CALN1: variants seen among roughly 807,000 people sequenced by gnomAD.
CALN1 encodes calneuron 1.
A neutral mutation model predicts 30.6 loss-of-function variants in CALN1; 17 were observed. That is an observed-to-expected ratio of 0.56 (90% CI 0.38 to 0.83). CALN1 has a LOEUF of 0.83. Ranked by LOEUF, CALN1 falls within the 40% of genes least tolerant of loss-of-function variation. The pLI, the probability that CALN1 is intolerant of heterozygous loss-of-function variation, is 0.00. For missense variants in CALN1, 291 were observed against 354.9 expected, an observed-to-expected ratio of 0.82 and a Z score of 1.45; for synonymous variants, 156 against 131.4, an observed-to-expected ratio of 1.19 and a Z score of -1.28.
intron 5 of CALN1, among the ~76,000 whole-genome samples, chr7:72,011,514 A>G (rs150823447): frequency 6.6e-6 from 1 of 152,116 alleles, no homozygotes; most frequent in Admixed American, 6.5e-5. Context: ...GCCTTTGATC[A>G]CTTCTGGTTT....
At position 71,845,908 on chromosome 7, in the gene CALN1, G is replaced by T. The variant is rs76718193; in HGVS notation, c.502-35416C>A. On this transcript the variant is annotated intron_variant, in intron 5 of 6. Coordinates refer to ENST00000395275, the MANE Select transcript of CALN1 (RefSeq NM_031468.4). ...GTCTTTACTAAAAATACAAAAATTA[G>T]CTGGGCATGGGGTGCACACCTGTAA... Among the ~76,000 whole-genome samples the T allele has an allele frequency of 1.5e-3, 230 of 152,180 alleles. 1 individual carries two copies. Among genetic ancestry groups the T allele is most frequent in the African/African-American group, 5.2e-3 (218 of 41,530 alleles).
chr7:72,464,115 AAGG>A, the CALN1 span, among the ~76,000 whole-genome samples: 3 of 151,858 alleles, frequency 2.0e-5, no homozygotes, highest in Admixed American at 6.6e-5. Flanking sequence ...AGAAGAAAGA[AAGG>A]AGGGAGGGAG....
intron 5 of CALN1, among the ~76,000 whole-genome samples, chr7:71,937,954 T>C (rs957684849): frequency 3.3e-5 from 5 of 150,836 alleles, no homozygotes; most frequent in Non-Finnish European, 7.4e-5. Context: ...TCTGTCACTA[T>C]TTATTCAACA....
intron 3 of CALN1, among the ~76,000 whole-genome samples, chr7:72,133,783 T>C (rs1029333582): frequency 3.3e-5 from 5 of 152,174 alleles, no homozygotes; most frequent in African/African-American, 1.2e-4. Flanking sequence ...GATACATCAT[T>C]ATTACTTCTG....
intron 3 of CALN1, among the ~76,000 whole-genome samples, chr7:72,178,559 C>T (rs927014823): frequency 2.0e-5 from 3 of 151,932 alleles, no homozygotes; most frequent in Admixed American, 6.6e-5. Context: ...CGTGGTGGCA[C>T]GCACCTGTAA....
rs374563326 is a variant in CALN1 at position 71,785,277 on chromosome 7, C to T, written c.*2498G>A. ...TCACTGGGAGCAAGAAGAAGGTCAC[C>T]GTTAGGAAAGGAATCCTGCAGCCTT... On this transcript the variant is annotated 3_prime_UTR_variant, in exon 7 of 7. Transcript: ENST00000395275. 15 of 161,948 alleles carry T rather than the reference C, an allele frequency of 9.3e-5. No individual in the cohort carries two copies. The highest frequency in any genetic ancestry group is 1.9e-4 in the Non-Finnish European group (14 of 74,744). 10.0% of individuals were successfully genotyped at this position (161,948 alleles called of 1,614,324 possible).
At chr7:71,992,923 C>G (rs992798009) in intron 5 of CALN1, among the ~76,000 whole-genome samples, 1 of 152,172 alleles carries the variant, frequency 6.6e-6, no homozygotes, top group Non-Finnish European at 1.5e-5. Context: ...GTAGGCATAC[C>G]ATTCTGATCT....
In CALN1 at chr7:72,327,369, G is replaced by T. The variant is rs555627576; in HGVS notation, c.120-48559C>A. Among the ~76,000 whole-genome samples the T allele has an allele frequency of 7.2e-5, 11 of 152,314 alleles. No individual in the cohort carries two copies. The East Asian group carries it at 2.1e-3, about 29-fold the overall frequency. On this transcript the variant is annotated intron_variant, in intron 2 of 6. Coordinates refer to ENST00000395275, the MANE Select transcript of CALN1 (RefSeq NM_031468.4). ...TTAGGTGTGGTGACACGTGCCTTTAGTCCCAGCTACTCAGGAGGCTGACGC... is the reference window on the plus strand; with the variant it reads ...TTAGGTGTGGTGACACGTGCCTTTATTCCCAGCTACTCAGGAGGCTGACGC...
chr7:72,445,102 AC>A (rs1562971464), intron 1 of CALN1, among the ~76,000 whole-genome samples: 1,774 of 139,730 alleles, frequency 0.013, 28 homozygotes, highest in African/African-American at 0.045. Flanking sequence ...ACACACACAC[AC>A]ACAACATTAA....
intron 5 of CALN1, among the ~76,000 whole-genome samples, chr7:71,955,269 A>C (rs1796901576): frequency 6.6e-6 from 1 of 152,120 alleles, no homozygotes; most frequent in African/African-American, 2.4e-5. Context: ...CGTCCCTGTG[A>C]TTCAGTGATC....
chr7:72,063,984 C>A (rs1050971557), intron 4 of CALN1, among the ~76,000 whole-genome samples: 7 of 152,100 alleles, frequency 4.6e-5, no homozygotes, highest in African/African-American at 1.7e-4. Flanking sequence ...TTAAAAACTT[C>A]TTTTTCTGGC....
At chr7:72,097,859 G>A (rs1305446496) in intron 4 of CALN1, among the ~76,000 whole-genome samples, 1 of 152,038 alleles carries the variant, frequency 6.6e-6, no homozygotes, top group Non-Finnish European at 1.5e-5. Context: ...GATTACAGGT[G>A]CCTGCCACCA....
At position 72,409,403 on chromosome 7, in the gene CALN1, C is replaced by T. The variant is rs548220260; in HGVS notation, c.-74+2655G>A. Among the ~76,000 whole-genome samples, 15 of 148,574 alleles carry T rather than the reference C, an allele frequency of 1.0e-4. No individual in the cohort carries two copies. The South Asian group carries it at 3.4e-3, about 34-fold the overall frequency. On this transcript the variant is annotated intron_variant, in intron 1 of 6. Coordinates refer to ENST00000395275, the MANE Select transcript of CALN1 (RefSeq NM_031468.4). ...TTGGCCAGTCCACTCAGACTGTATC[C>T]ACATACCTCCCTTCCTCAGAGGCTG...
chr7:72,106,686 AAGCAAGGGAGGG>A, intron 3 of CALN1, among the ~76,000 whole-genome samples: 1 of 93,972 alleles, frequency 1.1e-5, no homozygotes, highest in Non-Finnish European at 2.2e-5. Context: ...GGAAGGAAGA[AAGCAAGGGAGGG>A]AGGAAGGGAG....
At chr7:71,828,697 T>TATATAC (rs1210062183) in intron 5 of CALN1, among the ~76,000 whole-genome samples, 1 of 143,340 alleles carries the variant, frequency 7.0e-6, no homozygotes, top group Non-Finnish European at 1.5e-5. Flanking sequence ...GATATATACA[T>TATATAC]ATATACATAT....
At chr7:71,999,925 G>A (rs1799443350) in intron 5 of CALN1, among the ~76,000 whole-genome samples, 1 of 151,852 alleles carries the variant, frequency 6.6e-6, no homozygotes, top group Non-Finnish European at 1.5e-5. Flanking sequence ...TATGTTACCT[G>A]GCCATAATGA....
At chr7:72,155,719 T>C (rs1787618082) in intron 3 of CALN1, among the ~76,000 whole-genome samples, 1 of 152,164 alleles carries the variant, frequency 6.6e-6, no homozygotes, top group African/African-American at 2.4e-5. Flanking sequence ...CAAATTACCC[T>C]AACTCTATGG....
chr7:72,355,042 G>A (rs928674507), intron 2 of CALN1, among the ~76,000 whole-genome samples: 3 of 152,006 alleles, frequency 2.0e-5, no homozygotes, highest in African/African-American at 7.2e-5. Context: ...CGGAATAGCT[G>A]GGACTACAGG....
At position 71,823,835 on chromosome 7, in the gene CALN1, G is replaced by A. The variant is rs183436359; in HGVS notation, c.502-13343C>T. ...TGGCTAGGGAGGCCTCACAATCGTG[G>A]CAGAAGACGAAGGAAGAACAAAGGG... is the stretch of plus-strand genomic sequence containing the variant. On this transcript the variant is annotated intron_variant, in intron 5 of 6. Transcript: ENST00000395275. Among the ~76,000 whole-genome samples the A allele has an allele frequency of 2.1e-3, 320 of 152,312 alleles. 1 individual carries two copies. The highest frequency in any genetic ancestry group is 7.2e-3 in the African/African-American group (301 of 41,576).
Sources: allele counts gnomAD v4.1 joint callset (sites outside exome capture counted in the v4.1 genomes callset), GRCh38; gene constraint gnomAD v4.1.1; transcripts MANE v1.5; gene names NCBI Gene and HGNC (gene_info 2026-07-23, HGNC 2026-07-21).